The following CRACR2A variants were observed in gnomAD, a reference collection of about 807,000 sequenced individuals.
The protein encoded by CRACR2A is EF-hand calcium-binding domain-containing protein 4B.
CRACR2A carries 79 observed loss-of-function variants against 90.5 expected under a neutral mutation model. That is an observed-to-expected ratio of 0.87 (90% CI 0.73 to 1.05). CRACR2A has a LOEUF of 1.05. Ranked by LOEUF, CRACR2A falls within the 50% of genes least tolerant of loss-of-function variation. CRACR2A has a pLI of 0.00. For synonymous variants in CRACR2A, 338 were observed against 356.7 expected, an observed-to-expected ratio of 0.95 and a Z score of 0.59; for missense variants, 823 against 897.2, an observed-to-expected ratio of 0.92 and a Z score of 1.06.
chr12:3,619,406 G>A (rs1261241176), intron 17 of CRACR2A, 34 bp from the exon 18 acceptor site: 2 of 1,519,810 alleles, frequency 1.3e-6, no homozygotes, highest in African/African-American at 1.4e-5. Flanking sequence ...ACTGAGAGGG[G>A]TGTCATAGGA....
chr12:3,643,806 T>A (rs1456118039), intron 12 of CRACR2A, among the ~76,000 whole-genome samples: 4 of 84,764 alleles, frequency 4.7e-5, no homozygotes, highest in African/African-American at 1.1e-4. Context: ...TAATATATAT[T>A]ATATATATAT....
chr12:3,639,783 A>G (rs1944530059), intron 13 of CRACR2A, among the ~76,000 whole-genome samples: 1 of 152,208 alleles, frequency 6.6e-6, no homozygotes, highest in South Asian at 2.1e-4. Context: ...ATGAAAAATA[A>G]AGGATTTGCA....
chr12:3,668,808 A>C (rs535098070), intron 7 of CRACR2A, among the ~76,000 whole-genome samples: 32 of 152,316 alleles, frequency 2.1e-4, no homozygotes, highest in South Asian at 2.1e-3. Flanking sequence ...AAGTGGCTCA[A>C]TAGCAGCTGG....
In CRACR2A at chr12:3,644,524, G is replaced by C. The variant is rs372686981; in HGVS notation, c.1164+71C>G. ...GTCAGGACATTGCTGGGCCAGTCTC[G>C]ACATGGATCTGGCTGTCCAGTGGAC... On this transcript the variant is annotated intron_variant, in intron 12 of 19. Coordinates refer to ENST00000440314, the MANE Select transcript of CRACR2A (RefSeq NM_001144958.2). The C allele has an allele frequency of 3.1e-5, 45 of 1,465,098 alleles. No homozygotes were observed. The African/African-American group carries it at 5.3e-4, about 17-fold the overall frequency. The allele number at this position is 1,465,098 out of a possible 1,614,324, so 90.8% of individuals were successfully genotyped here. A position where few individuals can be genotyped will look rare whatever the true frequency, so the allele number is the denominator to read the frequency against.
intron 13 of CRACR2A, 139 bp downstream of exon 13, chr12:3,641,593 C>T (rs1299920955): frequency 2.9e-6 from 2 of 684,198 alleles, no homozygotes; most frequent in Admixed American, 2.6e-5. Context: ...GCATGTGTTC[C>T]AAGATTTGAG....
At chr12:3,619,968 G>A (rs1944102301) in intron 17 of CRACR2A, among the ~76,000 whole-genome samples, 1 of 152,252 alleles carries the variant, frequency 6.6e-6, no homozygotes, top group African/African-American at 2.4e-5. Context: ...TGGCACCACA[G>A]ACCCCTGTCA....
rs1037488064 is a variant in CRACR2A, at chr12:3,633,207, G to A, written c.1735+397C>T. Among the ~76,000 whole-genome samples, 1 of 152,038 alleles carries A rather than the reference G, an allele frequency of 6.6e-6. No homozygotes were observed. The highest frequency in any genetic ancestry group is 2.4e-5 in the African/African-American group (1 of 41,382). On this transcript the variant is annotated intron_variant, in intron 15 of 19. Transcript: ENST00000440314. The surrounding 1 kb of genome is among the most constrained non-coding windows in gnomAD (Gnocchi z 4.5). ...GAGGTGTGGCAGGATGTGGGTCTCG[G>A]GAGGAGTCCTGGTCAGTTCAGGGGG...
At chr12:3,616,809 C>A in intron 19 of CRACR2A, 145 bp downstream of exon 19, 1 of 625,728 alleles carries the variant, frequency 1.6e-6, no homozygotes, top group Admixed American at 2.9e-5. Flanking sequence ...CCCAGGACCC[C>A]GTTGCCTATA....
At chr12:3,721,253 G>A (rs1591711140) in intron 2 of CRACR2A, among the ~76,000 whole-genome samples, 1 of 151,826 alleles carries the variant, frequency 6.6e-6, no homozygotes, top group African/African-American at 2.4e-5. Context: ...AGCAAGTGAG[G>A]CCAGCCATGA....
At chr12:3,740,200 G>GC (rs894784912) in intron 1 of CRACR2A, among the ~76,000 whole-genome samples, 4 of 151,980 alleles carry the variant, frequency 2.6e-5, no homozygotes, top group Non-Finnish European at 5.9e-5. Context: ...ATGCTGGAGA[G>GC]CCCCCCAGCT....
intron 4 of CRACR2A, among the ~76,000 whole-genome samples, chr12:3,692,407 A>G (rs187667836): frequency 1.7e-4 from 25 of 149,526 alleles, no homozygotes; most frequent in African/African-American, 5.9e-4. Context: ...TAGGGGGCCA[A>G]TGCTCAGCTC....
intron 6 of CRACR2A, among the ~76,000 whole-genome samples, chr12:3,678,706 A>G (rs1413124767): frequency 1.3e-5 from 2 of 152,132 alleles, no homozygotes; most frequent in Non-Finnish European, 2.9e-5. Context: ...AAGAAAAAAA[A>G]ATGTAAACAG....
Position 3,633,594 on chromosome 12 carries a change from G to A in CRACR2A, c.1735+10C>T. 1.9e-6 allele frequency: 3 copies of A among 1,551,644 alleles called. No individual in the cohort carries two copies. Among genetic ancestry groups the A allele is most frequent in the Non-Finnish European group, 2.6e-6 (3 of 1,146,978 alleles). ...TGGGCCTAGGACCCACCTCAGGGATGAGAACTCACCCACAGTGGCCGCCAT... is the reference window on the plus strand; with the variant it reads ...TGGGCCTAGGACCCACCTCAGGGATAAGAACTCACCCACAGTGGCCGCCAT... On this transcript the variant is annotated intron_variant, in intron 15 of 19. Coordinates refer to ENST00000440314, the MANE Select transcript of CRACR2A (RefSeq NM_001144958.2). The surrounding 1 kb of genome is among the most constrained non-coding windows in gnomAD (Gnocchi z 4.5).
Position 3,650,275 on chromosome 12 carries a change from G to C in CRACR2A, c.1047-1662C>G, listed in dbSNP as rs576221044. On this transcript the variant is annotated intron_variant, in intron 10 of 19. Transcript: ENST00000440314. Reference sequence around the variant, plus strand: ...CTGGCCCACAGGACTCTCCTGCCAAGCTCCTATTAACCTGATTCCTTAAGC... The same window carrying C: ...CTGGCCCACAGGACTCTCCTGCCAACCTCCTATTAACCTGATTCCTTAAGC... Among the ~76,000 whole-genome samples the C allele has an allele frequency of 2.6e-5, 4 of 152,256 alleles. No individual in the cohort carries two copies. In the South Asian group the frequency reaches 8.3e-4, roughly 32 times the overall value.
chr12:3,694,826 T>C (rs1945710903), intron 4 of CRACR2A, among the ~76,000 whole-genome samples: 1 of 152,170 alleles, frequency 6.6e-6, no homozygotes, highest in South Asian at 2.1e-4. Flanking sequence ...GACCACAGGT[T>C]CAGAAAAACT....
At position 3,633,905 on chromosome 12, in the gene CRACR2A, C is replaced by T. The variant is rs569516913; in HGVS notation, c.1603-169G>A. On this transcript the variant is annotated intron_variant, in intron 14 of 19. Coordinates refer to ENST00000440314, the MANE Select transcript of CRACR2A (RefSeq NM_001144958.2). The surrounding 1 kb of genome is among the most constrained non-coding windows in gnomAD (Gnocchi z 4.5). ...AGCCTCAGAATGCAGTGAGCATAGT[C>T]GGTCTTGGGGCATGGAGGCTTTTTC... is the stretch of plus-strand genomic sequence containing the variant. 2.0e-5 allele frequency among the ~76,000 whole-genome samples: 3 copies of T among 152,328 alleles called. No individual in the cohort carries two copies. The highest frequency in any genetic ancestry group is 6.5e-5 in the Admixed American group (1 of 15,302).
chr12:3,648,764 A>G (rs1244049099), intron 10 of CRACR2A, 151 bp from the exon 11 acceptor site: 2 of 1,125,576 alleles, frequency 1.8e-6, no homozygotes, highest in East Asian at 2.6e-5. Flanking sequence ...TACAGTATGC[A>G]AGTGCTTTGG....
At chr12:3,680,212 G>A in intron 5 of CRACR2A, 26 bp downstream of exon 5, 1 of 1,586,600 alleles carries the variant, frequency 6.3e-7, no homozygotes. Flanking sequence ...ATAACCCTGA[G>A]GTCCCCAGCA....
At position 3,720,464 on chromosome 12, in the gene CRACR2A, A is replaced by C. The variant is rs111696433; in HGVS notation, c.-117-7147T>G. On this transcript the variant is annotated intron_variant, in intron 2 of 19. Coordinates refer to ENST00000440314, the MANE Select transcript of CRACR2A (RefSeq NM_001144958.2). ...GAAAGAAAGAAAGAAAGAAAGAAAG[A>C]AAGCAAAAGAAAAAAAGAAACAAAT... is the stretch of plus-strand genomic sequence containing the variant. 6.3e-3 allele frequency among the ~76,000 whole-genome samples: 947 copies of C among 150,892 alleles called. 12 individuals carry two copies. The highest frequency in any genetic ancestry group is 0.021 in the African/African-American group (841 of 40,588).
Sources: gnomAD v4.1 joint callset for allele counts (sites outside exome capture counted in the v4.1 genomes callset) on GRCh38, gnomAD v4.1.1 for gene constraint, Gnocchi (gnomAD v3.1) non-coding constraint, MANE v1.5 for transcripts, NCBI Gene and HGNC (gene_info 2026-07-23, HGNC 2026-07-21) for gene names.